MIPOL1: variants seen among roughly 807,000 people sequenced by gnomAD.
MIPOL1 encodes mirror-image polydactyly gene 1 protein.
MIPOL1 carries 57 observed loss-of-function variants against 60.9 expected under a neutral mutation model. The observed-to-expected ratio is 0.94, with a 90% confidence interval of 0.76 to 1.17. MIPOL1 has a LOEUF of 1.17. Among genes scored for constraint, MIPOL1 ranks in the 50% most tolerant of loss-of-function variants. The pLI, the probability that MIPOL1 is intolerant of heterozygous loss-of-function variation, is 0.00. For missense variants in MIPOL1, 551 were observed against 511.6 expected, an observed-to-expected ratio of 1.08 and a Z score of -0.74; for synonymous variants, 179 against 168.8, an observed-to-expected ratio of 1.06 and a Z score of -0.47.
At chr14:37,526,167 C>A (rs1377135588) in intron 12 of MIPOL1, among the ~76,000 whole-genome samples, 1 of 150,768 alleles carries the variant, frequency 6.6e-6, no homozygotes, top group Non-Finnish European at 1.5e-5. Context: ...CATAATCAAG[C>A]CTCTGTAGTC....
At chr14:37,463,912 A>G (rs1415778753) in intron 11 of MIPOL1, among the ~76,000 whole-genome samples, 1 of 152,216 alleles carries the variant, frequency 6.6e-6, no homozygotes, top group Non-Finnish European at 1.5e-5. Context: ...ATAGCTCAAC[A>G]ACAACAAAAA....
chr14:37,258,025 C>G (rs1975249069), intron 3 of MIPOL1, among the ~76,000 whole-genome samples: 1 of 152,014 alleles, frequency 6.6e-6, no homozygotes, highest in Admixed American at 6.6e-5. Context: ...TTGTTAACTC[C>G]AGCTTTAGGA....
intron 12 of MIPOL1, among the ~76,000 whole-genome samples, chr14:37,529,059 G>A (rs1363986950): frequency 6.6e-6 from 1 of 152,168 alleles, no homozygotes; most frequent in East Asian, 1.9e-4. Context: ...AAGGTGACAA[G>A]TATGAATAAC....
chr14:37,546,297 A>G (rs1454448177), intron 12 of MIPOL1, among the ~76,000 whole-genome samples: 2 of 152,198 alleles, frequency 1.3e-5, no homozygotes, highest in East Asian at 3.9e-4. Flanking sequence ...TGTTTTTTTA[A>G]TTAGAACAAA....
chr14:37,497,819 G>T (rs2095155242), intron 11 of MIPOL1, among the ~76,000 whole-genome samples: 1 of 152,212 alleles, frequency 6.6e-6, no homozygotes, highest in Admixed American at 6.5e-5. Flanking sequence ...ATATTTTGCT[G>T]ATGGGAGTAC....
At chr14:37,206,499 G>T (rs911194062) in intron 1 of MIPOL1, among the ~76,000 whole-genome samples, 1 of 152,210 alleles carries the variant, frequency 6.6e-6, no homozygotes, top group Non-Finnish European at 1.5e-5. Context: ...TAAGGGAAAT[G>T]TGGGATTGGA....
chr14:37,505,190 C>T (rs1417430660), intron 12 of MIPOL1: 1 of 152,156 alleles, frequency 6.6e-6, no homozygotes, highest in African/African-American at 2.4e-5. Flanking sequence ...GGAGCTGGTA[C>T]CATCCCTTCT....
intron 12 of MIPOL1, among the ~76,000 whole-genome samples, chr14:37,545,137 A>G (rs2095542782): frequency 1.3e-5 from 2 of 152,220 alleles, no homozygotes; most frequent in Admixed American, 1.3e-4. Flanking sequence ...TGCAAGTAAT[A>G]TTTTCTGGCT....
intron 11 of MIPOL1, among the ~76,000 whole-genome samples, chr14:37,475,213 C>T (rs1296183898): frequency 6.6e-6 from 1 of 152,120 alleles, no homozygotes; most frequent in East Asian, 1.9e-4. Context: ...GGTCCACCCG[C>T]TTCTGCCTCC....
intron 9 of MIPOL1, among the ~76,000 whole-genome samples, chr14:37,356,556 G>A (rs1484276267): frequency 1.3e-5 from 2 of 152,192 alleles, no homozygotes; most frequent in East Asian, 1.9e-4. Flanking sequence ...AGCAATCAGC[G>A]AGACTCTGTG....
Position 37,518,841 on chromosome 14 carries a change from TG to T in MIPOL1, c.1262+18708del, listed in dbSNP as rs1206474511. On this transcript the variant is annotated intron_variant, in intron 12 of 12. Transcript: ENST00000684589. ...AACAAGCAAATGCTCACAGATTTAA[TG>T]GGGGTTATATAGAAAGGACACATAA... 2.6e-5 allele frequency among the ~76,000 whole-genome samples: 4 copies of T among 152,234 alleles called. No individual in the cohort carries two copies. In the East Asian group the frequency reaches 7.7e-4, roughly 29 times the overall value.
rs1478720385 is a variant in MIPOL1, at chr14:37,308,044, C to A, written c.624-12C>A. 6.2e-7 allele frequency: 1 copy of A among 1,608,624 alleles called. No individual in the cohort carries two copies. The highest frequency in any genetic ancestry group is 8.5e-7 in the Non-Finnish European group (1 of 1,176,916). Reference sequence around the variant, plus strand: ...TGCTACTGATCAGGCTTTCTGTGTCCCTTTTTTCTAGGCTAGAAAATATTA... The same window carrying A: ...TGCTACTGATCAGGCTTTCTGTGTCACTTTTTTCTAGGCTAGAAAATATTA... On this transcript the variant is annotated splice_polypyrimidine_tract_variant and intron_variant, in intron 7 of 12. Coordinates refer to ENST00000684589, the MANE Select transcript of MIPOL1 (RefSeq NM_001388067.1).
chr14:37,218,933 A>AG (rs1968254874), intron 1 of MIPOL1, among the ~76,000 whole-genome samples: 1 of 139,152 alleles, frequency 7.2e-6, no homozygotes, highest in South Asian at 2.1e-4. Context: ...TCAAAAAAAA[A>AG]AAAAAAAAAG....
intron 12 of MIPOL1, among the ~76,000 whole-genome samples, chr14:37,545,215 G>C (rs1350304846): frequency 1.3e-5 from 2 of 152,168 alleles, no homozygotes; most frequent in African/African-American, 4.8e-5. Flanking sequence ...CTATTTAATG[G>C]TTATTTCAAG....
chr14:37,222,222 CTTTT>C (rs201521182), intron 1 of MIPOL1, among the ~76,000 whole-genome samples: 3 of 140,134 alleles, frequency 2.1e-5, no homozygotes, highest in East Asian at 4.1e-4. Context: ...GAAAACATTG[CTTTT>C]TTTTTTTTTT....
At chr14:37,502,741 G>A (rs982942674) in intron 12 of MIPOL1, 4 of 152,162 alleles carry the variant, frequency 2.6e-5, no homozygotes, top group African/African-American at 4.8e-5. Context: ...CTCCTCACCA[G>A]CAATGGAACA....
At chr14:37,472,441 A>T (rs367588318) in intron 11 of MIPOL1, among the ~76,000 whole-genome samples, 2 of 134,032 alleles carry the variant, frequency 1.5e-5, no homozygotes, top group African/African-American at 2.8e-5. Context: ...GGAGAAACTA[A>T]CTAGTGAGAG....
intron 12 of MIPOL1, among the ~76,000 whole-genome samples, chr14:37,520,877 A>T (rs928394462): frequency 2.7e-5 from 4 of 150,802 alleles, no homozygotes; most frequent in Admixed American, 1.3e-4. Flanking sequence ...ACATATTATG[A>T]CATTAAATAA....
At chr14:37,495,088 T>C (rs72674229) in intron 11 of MIPOL1, among the ~76,000 whole-genome samples, 58,287 of 150,074 alleles carry the variant, frequency 0.39, 13,697 homozygotes, top group Non-Finnish European at 0.52. Flanking sequence ...AACTTAATCA[T>C]TGATTCTTTT....
Sources: gnomAD v4.1 joint callset for allele counts (sites outside exome capture counted in the v4.1 genomes callset) on GRCh38, gnomAD v4.1.1 for gene constraint, MANE v1.5 for transcripts, NCBI Gene and HGNC (gene_info 2026-07-23, HGNC 2026-07-21) for gene names.